ISM1: variants seen among roughly 807,000 people sequenced by gnomAD.
ISM1 encodes the protein isthmin 1.
ISM1 carries 25 observed loss-of-function variants against 46.3 expected under a neutral mutation model. The observed-to-expected ratio is 0.54, with a 90% CI of 0.39 to 0.75. The LOEUF is 0.75. ISM1 is among the 30% of genes least tolerant of loss of function. The pLI, the probability that ISM1 is intolerant of heterozygous loss-of-function variation, is 0.00. For synonymous variants in ISM1, 255 were observed against 256.7 expected, an observed-to-expected ratio of 0.99 and a Z score of 0.06; for missense variants, 536 against 625.4, an observed-to-expected ratio of 0.86 and a Z score of 1.52.
the ISM1 span, among the ~76,000 whole-genome samples, chr20:13,318,519 C>CA: frequency 1.3e-5 from 2 of 152,088 alleles, no homozygotes; most frequent in African/African-American, 2.4e-5. Context: ...CACACAAAAA[C>CA]AAAAAAACCT....
chr20:13,324,844 G>A, the ISM1 span, among the ~76,000 whole-genome samples: 3 of 152,160 alleles, frequency 2.0e-5, no homozygotes, highest in Admixed American at 2.0e-4. Flanking sequence ...CCTAGTTTAA[G>A]TTTCTTATTT....
At chr20:13,314,923 G>T in the ISM1 span, among the ~76,000 whole-genome samples, 1 of 152,014 alleles carries the variant, frequency 6.6e-6, no homozygotes, top group Admixed American at 6.6e-5. Flanking sequence ...TTATTATAAG[G>T]TTCTCACACT....
At chr20:13,277,372 A>T (rs1435946059) in intron 2 of ISM1, among the ~76,000 whole-genome samples, 1 of 152,090 alleles carries the variant, frequency 6.6e-6, no homozygotes, top group Non-Finnish European at 1.5e-5. Context: ...CTCCCCTCCA[A>T]GACCCTTAAT....
At chr20:13,291,059 T>G (rs2040348317) in intron 4 of ISM1, among the ~76,000 whole-genome samples, 1 of 152,222 alleles carries the variant, frequency 6.6e-6, no homozygotes, top group African/African-American at 2.4e-5. Context: ...TCCTGTTGTT[T>G]TCTCTTCCAG....
At position 13,221,456 on chromosome 20, in the gene ISM1, C is replaced by T. The variant is rs1321467214; in HGVS notation, c.-321C>T. On this transcript the variant is annotated 5_prime_UTR_variant, in exon 1 of 6. Coordinates refer to ENST00000262487, the MANE Select transcript of ISM1 (RefSeq NM_080826.2). ...CCGGGTCCCGGGCTGTCCCGGGACC[C>T]AGTCTCCGTCTCCGCCGCCGCCGCC... Among the ~76,000 whole-genome samples, 1 of 145,914 alleles carries T rather than the reference C, an allele frequency of 6.9e-6. No individual in the cohort carries two copies. Among genetic ancestry groups the T allele is most frequent in the Non-Finnish European group, 1.5e-5 (1 of 65,494 alleles).
the ISM1 span, among the ~76,000 whole-genome samples, chr20:13,314,955 T>C: frequency 3.1e-3 from 465 of 152,238 alleles, 10 homozygotes; most frequent in South Asian, 0.025. Context: ...GGTACAGTGT[T>C]ATTTGAAAGT....
At chr20:13,273,672 T>C (rs1002076645) in intron 2 of ISM1, among the ~76,000 whole-genome samples, 2 of 152,142 alleles carry the variant, frequency 1.3e-5, no homozygotes, top group Non-Finnish European at 2.9e-5. Flanking sequence ...AGAATAAAGG[T>C]TTACCATAGC....
At chr20:13,288,791 C>A in intron 4 of ISM1, 108 bp downstream of exon 4, 1 of 965,730 alleles carries the variant, frequency 1.0e-6, no homozygotes, top group South Asian at 1.9e-5. Context: ...CTTTTCTTTT[C>A]TTTTTTTTTT....
chr20:13,271,765 C>G (rs1472392940), intron 2 of ISM1, among the ~76,000 whole-genome samples: 1 of 152,160 alleles, frequency 6.6e-6, no homozygotes, highest in African/African-American at 2.4e-5. Flanking sequence ...CAACTCTCGT[C>G]CTCATATGCC....
chr20:13,290,878 G>T (rs1385765277), intron 4 of ISM1, among the ~76,000 whole-genome samples: 3 of 152,164 alleles, frequency 2.0e-5, no homozygotes, highest in Non-Finnish European at 4.4e-5. Context: ...GGATTAACTT[G>T]CCTAGAGTCA....
At chr20:13,240,229 A>G (rs1278843861) in intron 1 of ISM1, among the ~76,000 whole-genome samples, 1 of 152,238 alleles carries the variant, frequency 6.6e-6, no homozygotes, top group Non-Finnish European at 1.5e-5. Context: ...GAACAAGCTT[A>G]TGTTCTAGAA....
At chr20:13,228,175 G>C (rs2039550109) in intron 1 of ISM1, among the ~76,000 whole-genome samples, 1 of 151,662 alleles carries the variant, frequency 6.6e-6, no homozygotes, top group African/African-American at 2.4e-5. Flanking sequence ...GTTTCACCAT[G>C]TTGGCCAGGC....
intron 1 of ISM1, among the ~76,000 whole-genome samples, chr20:13,223,476 TA>T (rs1350117798): frequency 6.6e-6 from 1 of 152,156 alleles, no homozygotes; most frequent in African/African-American, 2.4e-5. Context: ...ACAGAGAGGT[TA>T]AAAAACTTGT....
intron 1 of ISM1, among the ~76,000 whole-genome samples, chr20:13,238,334 A>G (rs2039676725): frequency 1.3e-5 from 2 of 152,166 alleles, no homozygotes; most frequent in Non-Finnish European, 2.9e-5. Context: ...CATTAATGAG[A>G]GGCAATCTAC....
the ISM1 span, among the ~76,000 whole-genome samples, chr20:13,312,943 C>T: frequency 6.6e-6 from 1 of 152,172 alleles, no homozygotes; most frequent in South Asian, 2.1e-4. Context: ...CTCTGCTTCA[C>T]CTTACCTACA....
At chr20:13,310,415 A>G in the ISM1 span, among the ~76,000 whole-genome samples, 11 of 152,218 alleles carry the variant, frequency 7.2e-5, no homozygotes, top group Admixed American at 4.6e-4. Flanking sequence ...CCCACATATA[A>G]TAGTCAACTC....
chr20:13,235,620 C>G (rs1264332957), intron 1 of ISM1, among the ~76,000 whole-genome samples: 2 of 152,186 alleles, frequency 1.3e-5, no homozygotes, highest in African/African-American at 4.8e-5. Flanking sequence ...ATGGGTTGCT[C>G]TGGCAGCACA....
chr20:13,232,867 G>A (rs6134826), intron 1 of ISM1, among the ~76,000 whole-genome samples: 22,532 of 152,182 alleles, frequency 0.15, 1,736 homozygotes, highest in East Asian at 0.24. Flanking sequence ...CTGAAAGAAG[G>A]AGAGAAGATA....
At chr20:13,308,648 C>G in the ISM1 span, among the ~76,000 whole-genome samples, 50 of 152,126 alleles carry the variant, frequency 3.3e-4, no homozygotes, top group Admixed American at 3.3e-3. Context: ...GTTAAATGAT[C>G]TAGGCTATTC....
Sources: allele counts gnomAD v4.1 joint callset (sites outside exome capture counted in the v4.1 genomes callset), GRCh38; gene constraint gnomAD v4.1.1; transcripts MANE v1.5; gene names NCBI Gene and HGNC (gene_info 2026-07-23, HGNC 2026-07-21).